The following ESRRG variants were observed in gnomAD, a reference collection of about 807,000 sequenced individuals.
The protein encoded by ESRRG is estrogen-related receptor gamma.
A neutral mutation model predicts 44.0 loss-of-function variants in ESRRG; 13 were observed. That is an observed-to-expected ratio of 0.30 (90% CI 0.19 to 0.47). The LOEUF is 0.47. Ranked by LOEUF, ESRRG falls within the 20% of genes least tolerant of loss-of-function variation. The pLI is 1.00. For missense variants in ESRRG, 395 were observed against 580.6 expected, an observed-to-expected ratio of 0.68 and a Z score of 3.29; for synonymous variants, 215 against 214.6, an observed-to-expected ratio of 1.00 and a Z score of -0.02.
chr1:216,551,100 G>A (rs957997736), intron 5 of ESRRG, among the ~76,000 whole-genome samples: 9 of 152,146 alleles, frequency 5.9e-5, no homozygotes, highest in African/African-American at 2.2e-4. Flanking sequence ...TTATGATCAC[G>A]AATAGGCTGC....
intron 5 of ESRRG, among the ~76,000 whole-genome samples, chr1:216,527,900 G>A (rs11117608): frequency 0.76 from 115,292 of 151,980 alleles, 44,045 homozygotes; most frequent in East Asian, 0.86. Flanking sequence ...CTTGATAGAT[G>A]TATCTGTATC....
chr1:217,121,892 A>T (rs575758096), intron 1 of ESRRG, among the ~76,000 whole-genome samples: 1 of 152,306 alleles, frequency 6.6e-6, no homozygotes, highest in Admixed American at 6.5e-5. Context: ...TTGCAGCTAG[A>T]TGTGGCCATA....
In ESRRG at chr1:216,664,253, G is replaced by A. The variant is rs1195440838; in HGVS notation, c.472+12823C>T. Among the ~76,000 whole-genome samples the A allele has an allele frequency of 2.0e-5, 3 of 151,888 alleles. No individual in the cohort carries two copies. The East Asian group carries it at 5.8e-4, about 29-fold the overall frequency. ...ACAGGCTCTGGGTTCAAGATTTCGG[G>A]GACCCAGTTGTTCTTTGGGCAATTA... On this transcript the variant is annotated intron_variant, in intron 2 of 6. Coordinates refer to ENST00000408911, the MANE Select transcript of ESRRG (RefSeq NM_001438.4).
chr1:216,664,146 C>T (rs1035388411), intron 2 of ESRRG, among the ~76,000 whole-genome samples: 3 of 152,032 alleles, frequency 2.0e-5, no homozygotes, highest in African/African-American at 4.8e-5. Context: ...AAAATTCTCT[C>T]AAGAAAAATA....
intron 5 of ESRRG, among the ~76,000 whole-genome samples, chr1:216,539,015 T>G (rs1161555843): frequency 6.6e-6 from 1 of 152,086 alleles, no homozygotes; most frequent in Non-Finnish European, 1.5e-5. Flanking sequence ...TTTGTTGTCA[T>G]GATATACATT....
intron 2 of ESRRG, among the ~76,000 whole-genome samples, chr1:216,903,608 C>T (rs188185097): frequency 4.1e-4 from 63 of 151,934 alleles, no homozygotes; most frequent in African/African-American, 1.4e-3. Context: ...ACAGCTGGTC[C>T]CTGCTGGCCT....
At chr1:217,088,398 C>CTTTTTTTTTTTTTT (rs71585811) in intron 1 of ESRRG, among the ~76,000 whole-genome samples, 1 of 59,736 alleles carries the variant, frequency 1.7e-5, no homozygotes, top group African/African-American at 7.3e-5. Flanking sequence ...TTTTTCCTGT[C>CTTTTTTTTTTTTTT]TTTTTTTTTT....
intron 3 of ESRRG, among the ~76,000 whole-genome samples, chr1:216,609,092 C>T (rs955051013): frequency 5.3e-5 from 8 of 152,146 alleles, no homozygotes; most frequent in Non-Finnish European, 8.8e-5. Context: ...AAAATTAGTA[C>T]GTTGTAATGT....
chr1:216,957,310 C>G (rs911181910), intron 1 of ESRRG, among the ~76,000 whole-genome samples: 1 of 152,124 alleles, frequency 6.6e-6, no homozygotes, highest in South Asian at 2.1e-4. Context: ...ACTTACAAAT[C>G]CCACATTTAT....
chr1:217,098,952 C>T (rs979917597), intron 1 of ESRRG, among the ~76,000 whole-genome samples: 2 of 152,210 alleles, frequency 1.3e-5, no homozygotes, highest in African/African-American at 4.8e-5. Flanking sequence ...ACCTTGCCCG[C>T]AGCCCAGTCC....
chr1:216,555,377 A>G (rs1431444976), intron 5 of ESRRG, among the ~76,000 whole-genome samples: 5 of 152,198 alleles, frequency 3.3e-5, no homozygotes, highest in Non-Finnish European at 5.9e-5. Flanking sequence ...AATGACTTGA[A>G]TATTTCTTTT....
intron 3 of ESRRG, among the ~76,000 whole-genome samples, chr1:216,637,703 TATCTC>T (rs1012742336): frequency 6.6e-6 from 1 of 152,208 alleles, no homozygotes. Context: ...TCTTAGTTGT[TATCTC>T]ATTTATATTC....
At chr1:216,785,547 T>A (rs879883252) in intron 2 of ESRRG, among the ~76,000 whole-genome samples, 1 of 151,944 alleles carries the variant, frequency 6.6e-6, no homozygotes, top group African/African-American at 2.4e-5. Flanking sequence ...GGAAAAGCTA[T>A]TTTCAGTGGC....
chr1:216,698,433 G>T (rs147388019), intron 1 of ESRRG, among the ~76,000 whole-genome samples: 2 of 151,128 alleles, frequency 1.3e-5, no homozygotes, highest in South Asian at 4.2e-4. Context: ...GCAGGAGAAC[G>T]GCGTGAACCC....
chr1:216,877,783 A>C (rs1418136542), intron 2 of ESRRG, among the ~76,000 whole-genome samples: 1 of 151,678 alleles, frequency 6.6e-6, no homozygotes, highest in African/African-American at 2.4e-5. Context: ...ATGTTTCCTT[A>C]TTTTTTTCAT....
chr1:217,065,711 C>T (rs2089531500), intron 1 of ESRRG, among the ~76,000 whole-genome samples: 1 of 152,142 alleles, frequency 6.6e-6, no homozygotes, highest in Admixed American at 6.5e-5. Flanking sequence ...AAAAGACAGA[C>T]ATGCATGGGA....
At chr1:216,998,057 C>T (rs1244938674) in intron 1 of ESRRG, among the ~76,000 whole-genome samples, 1 of 152,152 alleles carries the variant, frequency 6.6e-6, no homozygotes, top group Non-Finnish European at 1.5e-5. Flanking sequence ...CCACTTGCTA[C>T]TTACTACTGC....
intron 2 of ESRRG, among the ~76,000 whole-genome samples, chr1:216,911,247 A>C (rs1403090709): frequency 6.6e-6 from 1 of 152,206 alleles, no homozygotes; most frequent in South Asian, 2.1e-4. Context: ...AAGTGAAAGG[A>C]TAAATAAACT....
intron 2 of ESRRG, among the ~76,000 whole-genome samples, chr1:216,837,056 A>C (rs766209809): frequency 6.6e-6 from 1 of 152,142 alleles, no homozygotes; most frequent in Non-Finnish European, 1.5e-5. Context: ...AAATAATAAA[A>C]TTACACATGA....
Sources: allele counts gnomAD v4.1 joint callset (sites outside exome capture counted in the v4.1 genomes callset), GRCh38; gene constraint gnomAD v4.1.1; transcripts MANE v1.5; gene names NCBI Gene and HGNC (gene_info 2026-07-23, HGNC 2026-07-21).